GPC6: variants seen among roughly 807,000 people sequenced by gnomAD.
GPC6 encodes glypican-6.
Under a neutral mutation model 55.2 loss-of-function variants are expected in GPC6, and 14 were observed. That is an observed-to-expected ratio of 0.25 (90% CI 0.17 to 0.40). The LOEUF is 0.40. Ranked by LOEUF, GPC6 falls within the 10% of genes least tolerant of loss-of-function variation. The probability of loss-of-function intolerance (pLI) is 1.00; values close to 1 mark genes in which losing one functional copy is unlikely to be tolerated. For synonymous variants in GPC6, 278 were observed against 259.6 expected (o/e 1.07, Z -0.68); for missense variants, 641 against 708.5 (o/e 0.90, Z 1.08).
At chr13:93,413,646 T>C (rs947355615) in intron 1 of GPC6, among the ~76,000 whole-genome samples, 1 of 151,992 alleles carries the variant, frequency 6.6e-6, no homozygotes, top group Non-Finnish European at 1.5e-5. Context: ...ATATGATATA[T>C]TTGGAGAAAT....
intron 3 of GPC6, among the ~76,000 whole-genome samples, chr13:93,992,545 C>T (rs954856230): frequency 1.3e-5 from 2 of 152,028 alleles, no homozygotes; most frequent in African/African-American, 4.8e-5. Flanking sequence ...GAATATTTTC[C>T]TTGCTTTTAT....
At chr13:94,381,993 C>G (rs1880178267) in intron 6 of GPC6, among the ~76,000 whole-genome samples, 1 of 152,156 alleles carries the variant, frequency 6.6e-6, no homozygotes, top group Admixed American at 6.5e-5. Context: ...AACAAGGAGT[C>G]CATTGGGAAA....
chr13:93,481,412 C>G (rs1173297786), intron 1 of GPC6, among the ~76,000 whole-genome samples: 1 of 151,852 alleles, frequency 6.6e-6, no homozygotes, highest in Non-Finnish European at 1.5e-5. Flanking sequence ...TGATGCTGTC[C>G]TTTGATGCAC....
intron 2 of GPC6, among the ~76,000 whole-genome samples, chr13:93,639,074 A>G (rs1879807813): frequency 6.6e-6 from 1 of 152,156 alleles, no homozygotes; most frequent in African/African-American, 2.4e-5. Context: ...GTGGAGGAAA[A>G]TAAACAATGA....
At chr13:94,300,911 G>A (rs1188740905) in intron 5 of GPC6, among the ~76,000 whole-genome samples, 1 of 152,190 alleles carries the variant, frequency 6.6e-6, no homozygotes, top group Non-Finnish European at 1.5e-5. Flanking sequence ...TAAAAGCAGA[G>A]GAGGGTGGAA....
At chr13:94,251,478 A>G (rs1891347600) in intron 4 of GPC6, among the ~76,000 whole-genome samples, 2 of 145,616 alleles carry the variant, frequency 1.4e-5, no homozygotes. Context: ...AAAAAAAAAC[A>G]CGGACTGGTT....
At chr13:93,632,390 G>A (rs752202292) in intron 2 of GPC6, among the ~76,000 whole-genome samples, 45 of 151,832 alleles carry the variant, frequency 3.0e-4, no homozygotes, top group Non-Finnish European at 5.7e-4. Flanking sequence ...CAGGTGGATC[G>A]CTTGAGCCCA....
At chr13:93,303,721 G>A (rs2139097754) in intron 1 of GPC6, among the ~76,000 whole-genome samples, 1 of 152,120 alleles carries the variant, frequency 6.6e-6, no homozygotes, top group Non-Finnish European at 1.5e-5. Flanking sequence ...AATACAAAGT[G>A]GGGAAAATTC....
At chr13:93,245,357 C>T (rs959372886) in intron 1 of GPC6, among the ~76,000 whole-genome samples, 1 of 152,106 alleles carries the variant, frequency 6.6e-6, no homozygotes, top group African/African-American at 2.4e-5. Flanking sequence ...TCTCTCCTTC[C>T]TTCCTTCATT....
chr13:94,047,653 T>C (rs1246512244), intron 4 of GPC6, among the ~76,000 whole-genome samples: 2 of 152,130 alleles, frequency 1.3e-5, no homozygotes, highest in Non-Finnish European at 2.9e-5. Context: ...CAAATATTCA[T>C]TGTAATAAAG....
intron 2 of GPC6, among the ~76,000 whole-genome samples, chr13:93,701,867 T>C (rs1387740613): frequency 6.6e-6 from 1 of 152,038 alleles, no homozygotes; most frequent in Non-Finnish European, 1.5e-5. Context: ...CTAACTCTAG[T>C]TCTCTTGCTA....
At chr13:93,247,800 C>T (rs1044622804) in intron 1 of GPC6, among the ~76,000 whole-genome samples, 2 of 152,030 alleles carry the variant, frequency 1.3e-5, no homozygotes, top group African/African-American at 4.8e-5. Context: ...TTGGAAATGT[C>T]TTAGAATCAC....
chr13:93,516,303 T>A (rs548257535), intron 1 of GPC6, among the ~76,000 whole-genome samples: 2 of 152,302 alleles, frequency 1.3e-5, no homozygotes, highest in Admixed American at 1.3e-4. Context: ...ACCTTATATC[T>A]TAACATGGAA....
At chr13:93,740,987 G>T (rs903591458) in intron 2 of GPC6, among the ~76,000 whole-genome samples, 1 of 151,866 alleles carries the variant, frequency 6.6e-6, no homozygotes, top group Non-Finnish European at 1.5e-5. Flanking sequence ...TTATATGTTT[G>T]CAATTAGAAA....
chr13:93,839,194 G>T (rs1355227016), intron 3 of GPC6, among the ~76,000 whole-genome samples: 1 of 152,086 alleles, frequency 6.6e-6, no homozygotes, highest in Non-Finnish European at 1.5e-5. Flanking sequence ...GGTTTAATTG[G>T]TTGGGAAGTT....
intron 3 of GPC6, among the ~76,000 whole-genome samples, chr13:93,836,925 A>G (rs956285030): frequency 1.3e-5 from 2 of 152,178 alleles, no homozygotes; most frequent in Non-Finnish European, 2.9e-5. Context: ...CCCCTCTAGA[A>G]CAGCATATGG....
intron 4 of GPC6, among the ~76,000 whole-genome samples, chr13:94,237,676 C>A (rs571015062): frequency 2.0e-5 from 3 of 152,070 alleles, no homozygotes; most frequent in Non-Finnish European, 2.9e-5. Context: ...CATAACAGAA[C>A]GAAGGCTGGT....
chr13:94,121,421 C>A (rs1008728253), intron 4 of GPC6, among the ~76,000 whole-genome samples: 3 of 151,992 alleles, frequency 2.0e-5, no homozygotes. Context: ...ATGTCACATC[C>A]AAATCTCAGT....
chr13:93,781,679 ACTGT>A (rs1425368133), intron 2 of GPC6, among the ~76,000 whole-genome samples: 1 of 152,182 alleles, frequency 6.6e-6, no homozygotes, highest in Non-Finnish European at 1.5e-5. Flanking sequence ...AATGTCTGAG[ACTGT>A]CTGAGCCATG....
Sources: gnomAD v4.1 joint callset for allele counts (sites outside exome capture counted in the v4.1 genomes callset) on GRCh38, gnomAD v4.1.1 for gene constraint, MANE v1.5 for transcripts, NCBI Gene and HGNC (gene_info 2026-07-23, HGNC 2026-07-21) for gene names.